GPR157: variants seen among roughly 807,000 people sequenced by gnomAD.
GPR157 encodes the protein G protein-coupled receptor 157.
A neutral mutation model predicts 23.5 loss-of-function variants in GPR157; 16 were observed. The observed-to-expected ratio is 0.68, with a 90% confidence interval of 0.46 to 1.04. The LOEUF is 1.04. GPR157 is among the 50% of genes least tolerant of loss of function. The pLI is 0.00. For synonymous variants in GPR157, 200 were observed against 221.5 expected (o/e 0.90, Z 0.86); for missense variants, 440 against 460.7 (o/e 0.96, Z 0.41).
In GPR157 at chr1:9,104,430, G is replaced by A. The variant is rs1412051364; in HGVS notation, c.997C>T (p.Pro333Ser). Residue 333 changes from proline (P) to serine (S), a missense_variant, in exon 4 of 4, where the codon CCA becomes TCA. Coordinates refer to ENST00000377411, the MANE Select transcript of GPR157 (RefSeq NM_024980.5). ...GAAAGGACAAAAGCTCAGGTGCTTGGAAGTTCCCCTGGGGTCCCTTGGGAT... is the reference window on the plus strand; with the variant it reads ...GAAAGGACAAAAGCTCAGGTGCTTGAAAGTTCCCCTGGGGTCCCTTGGGAT... ...QESQGTPGELPST is the reference protein window; with the variant it reads ...QESQGTPGELSST 6.2e-7 allele frequency: 1 copy of A among 1,613,866 alleles called. No homozygotes were observed. Among genetic ancestry groups the A allele is most frequent in the Non-Finnish European group, 8.5e-7 (1 of 1,179,858 alleles).
At chr1:9,127,571 A>G (rs1638990252) in intron 1 of GPR157, among the ~76,000 whole-genome samples, 2 of 152,006 alleles carry the variant, frequency 1.3e-5, no homozygotes, top group Non-Finnish European at 2.9e-5. Context: ...TGTTGCAAAG[A>G]TTTTTTACTT....
rs1315655927 is a variant in GPR157, at chr1:9,104,596, G to C, written c.831C>G (p.Ile277Met). 6.2e-7 allele frequency: 1 copy of C among 1,612,666 alleles called. No individual in the cohort carries two copies. Residue 277 changes from isoleucine (I) to methionine (M), a missense_variant, in exon 4 of 4, where the codon ATC (isoleucine) becomes ATG (methionine). Ile to Met is a conservative substitution (Grantham distance 10). Coordinates refer to ENST00000377411, the MANE Select transcript of GPR157 (RefSeq NM_024980.5). ...CGGCGCGGGTGCAGAGGACGAACATGATGCAGTTGGCACCTCCCTGAAACG... is the reference window on the plus strand; with the variant it reads ...CGGCGCGGGTGCAGAGGACGAACATCATGCAGTTGGCACCTCCCTGAAACG... ...GNTFQGGANCIMFVLCTRAVR... is the reference protein window; with the variant it reads ...GNTFQGGANCMMFVLCTRAVR...
intron 1 of GPR157, among the ~76,000 whole-genome samples, chr1:9,126,888 T>G (rs1034038133): frequency 1.3e-5 from 2 of 152,144 alleles, no homozygotes. Context: ...TCTTTTCTTT[T>G]TCCTTCATTT....
intron 1 of GPR157, among the ~76,000 whole-genome samples, chr1:9,117,223 G>A (rs1638701851): frequency 6.6e-6 from 1 of 152,006 alleles, no homozygotes; most frequent in South Asian, 2.1e-4. Flanking sequence ...GGAACAATCG[G>A]GTCTCTCAAG....
At chr1:9,107,950 G>C (rs1638381479) in intron 2 of GPR157, among the ~76,000 whole-genome samples, 2 of 152,170 alleles carry the variant, frequency 1.3e-5, no homozygotes, top group Admixed American at 1.3e-4. Context: ...AAATTAGCCA[G>C]GTGTGGTGGC....
chr1:9,125,108 G>T (rs1327557956), intron 1 of GPR157, among the ~76,000 whole-genome samples: 1 of 152,160 alleles, frequency 6.6e-6, no homozygotes, highest in African/African-American at 2.4e-5. Flanking sequence ...TTGCATTGCC[G>T]GCTGCTGGCC....
intron 1 of GPR157, among the ~76,000 whole-genome samples, chr1:9,123,202 T>G (rs1275865810): frequency 3.1e-5 from 4 of 128,218 alleles, no homozygotes; most frequent in Admixed American, 9.1e-5. Flanking sequence ...TAAATAAAAT[T>G]TATATATATA....
At position 9,120,553 on chromosome 1, in the gene GPR157, A is replaced by T. The variant is rs574175085; in HGVS notation, c.383+8092T>A. On this transcript the variant is annotated intron_variant, in intron 1 of 3. Transcript: ENST00000377411. This position sits in a 1 kb window ranked among gnomAD's most constrained non-coding sequence, Gnocchi z 4.1. ...GGTTTCTTCCCTGGGAACAATGGACACTTATTGTCCAGCTCCAGCGGCAGA... is the reference window on the plus strand; with the variant it reads ...GGTTTCTTCCCTGGGAACAATGGACTCTTATTGTCCAGCTCCAGCGGCAGA... Among the ~76,000 whole-genome samples the T allele has an allele frequency of 6.6e-6, 1 of 152,294 alleles. No individual in the cohort carries two copies. Among genetic ancestry groups the T allele is most frequent in the South Asian group, 2.1e-4 (1 of 4,830 alleles).
chr1:9,124,290 G>A (rs929380814), intron 1 of GPR157, among the ~76,000 whole-genome samples: 3 of 152,104 alleles, frequency 2.0e-5, no homozygotes, highest in Non-Finnish European at 2.9e-5. Flanking sequence ...CTATTGGTAT[G>A]GCATAAAAGA....
intron 1 of GPR157, among the ~76,000 whole-genome samples, chr1:9,126,269 AT>A (rs945847102): frequency 2.6e-5 from 4 of 151,858 alleles, no homozygotes; most frequent in Non-Finnish European, 5.9e-5. Flanking sequence ...CTGCCTTACT[AT>A]TTTTTTCCTT....
chr1:9,123,593 ATG>A (rs1638887181), intron 1 of GPR157, among the ~76,000 whole-genome samples: 3 of 87,578 alleles, frequency 3.4e-5, no homozygotes, highest in African/African-American at 5.7e-5. Context: ...TTTAATATTA[ATG>A]TATATTTAAT....
intron 1 of GPR157, among the ~76,000 whole-genome samples, chr1:9,119,366 A>C (rs541263370): frequency 2.0e-5 from 3 of 152,100 alleles, no homozygotes; most frequent in Non-Finnish European, 4.4e-5. Context: ...AACAACAACA[A>C]AAACAAGAAG....
intron 1 of GPR157, among the ~76,000 whole-genome samples, chr1:9,123,606 A>ATTAATG (rs1159399924): frequency 7.9e-4 from 40 of 50,786 alleles, no homozygotes; most frequent in Admixed American, 1.5e-3. Flanking sequence ...TATATTTAAT[A>ATTAATG]TATATTTAAA....
rs1242108633 is a variant in GPR157 at position 9,102,866 on chromosome 1, G to T, written c.*1553C>A. The T allele has an allele frequency of 6.6e-6, 1 of 152,024 alleles. No homozygotes were observed. The highest frequency in any genetic ancestry group is 1.5e-5 in the Non-Finnish European group (1 of 68,000). The allele number at this position is 152,024 out of a possible 1,614,324, so 9.4% of individuals were successfully genotyped here. On this transcript the variant is annotated 3_prime_UTR_variant, in exon 4 of 4. Transcript: ENST00000377411. The stretch of plus-strand genomic sequence containing the variant: ...AAATAATCGCTCCATGCTCCATGCC[G>T]CCACTTACCTCAGCTGAATACAAAA...
Position 9,113,416 on chromosome 1 carries a change from C to T in GPR157, c.384-1927G>A, listed in dbSNP as rs369825061. On this transcript the variant is annotated intron_variant, in intron 1 of 3. Transcript: ENST00000377411. ...TGCAGGGCTGGCAGAGCAGGCCAGG[C>T]AGGGATGAGGATGGAAGGGAAAAGT... 2.8e-4 allele frequency among the ~76,000 whole-genome samples: 43 copies of T among 152,284 alleles called. No individual in the cohort carries two copies. The South Asian group carries it at 8.9e-3, about 32-fold the overall frequency.
chr1:9,107,599 AC>A (rs1638371813), intron 2 of GPR157, among the ~76,000 whole-genome samples: 2 of 152,120 alleles, frequency 1.3e-5, no homozygotes, highest in East Asian at 3.9e-4. Context: ...AGCCTGGCCA[AC>A]ATGGTGAAAC....
Position 9,116,773 on chromosome 1 carries a change from GCT to G in GPR157, c.384-5286_384-5285del, listed in dbSNP as rs576625422. Among the ~76,000 whole-genome samples the G allele has an allele frequency of 1.8e-4, 27 of 151,072 alleles. 2 individuals are homozygous for G. In the South Asian group the frequency reaches 5.4e-3, roughly 30 times the overall value. Reference sequence around the variant, plus strand: ...ATTATTATTTTAGAGACAGGGTCTTGCTCTGTTGCCCAGACTGGAGTGCAGTG... The same window carrying G: ...ATTATTATTTTAGAGACAGGGTCTTGCTGTTGCCCAGACTGGAGTGCAGTG... On this transcript the variant is annotated intron_variant, in intron 1 of 3. Coordinates refer to ENST00000377411, the MANE Select transcript of GPR157 (RefSeq NM_024980.5).
At position 9,118,208 on chromosome 1, in the gene GPR157, C is replaced by T. The variant is rs548056022; in HGVS notation, c.384-6719G>A. The stretch of plus-strand genomic sequence containing the variant: ...TGGTGGTGGAGAAGTGGTTAGATGC[C>T]GGAGGAATGGGCGGGGTCCTGCCCA... On this transcript the variant is annotated intron_variant, in intron 1 of 3. Coordinates refer to ENST00000377411, the MANE Select transcript of GPR157 (RefSeq NM_024980.5). The surrounding 1 kb of genome is among the most constrained non-coding windows in gnomAD (Gnocchi z 4.6). Among the ~76,000 whole-genome samples, 30 of 152,204 alleles carry T rather than the reference C, an allele frequency of 2.0e-4. No individual in the cohort carries two copies. Among genetic ancestry groups the T allele is most frequent in the South Asian group, 2.1e-4 (1 of 4,824 alleles).
intron 1 of GPR157, among the ~76,000 whole-genome samples, chr1:9,122,161 C>A (rs1028829031): frequency 9.2e-5 from 14 of 152,158 alleles, no homozygotes; most frequent in African/African-American, 3.4e-4. Context: ...GGGGAAATGA[C>A]CCCCTCCACA....
Sources: gnomAD v4.1 joint callset for allele counts (sites outside exome capture counted in the v4.1 genomes callset) on GRCh38, gnomAD v4.1.1 for gene constraint, Gnocchi (gnomAD v3.1) non-coding constraint, MANE v1.5 for transcripts, NCBI Gene and HGNC (gene_info 2026-07-23, HGNC 2026-07-21) for gene names.